Variants in RAB31 observed in about 807,000 individuals in gnomAD.
RAB31 encodes RAB31, member RAS oncogene family.
Under a neutral mutation model 25.6 loss-of-function variants are expected in RAB31, and 21 were observed. The ratio of observed to expected loss-of-function variants is 0.82; its 90% CI spans 0.58 to 1.18. The LOEUF (loss-of-function observed/expected upper bound fraction) is 1.18. RAB31 is among the 50% of genes most tolerant of loss of function. RAB31 has a pLI of 0.00. For synonymous variants in RAB31, 87 were observed against 84.0 expected, an observed-to-expected ratio of 1.04 and a Z score of -0.20; for missense variants, 196 against 250.1, an observed-to-expected ratio of 0.78 and a Z score of 1.46.
At chr18:9,844,872 T>C (rs1437529647) in intron 5 of RAB31, 1 of 85,900 alleles carries the variant, frequency 1.2e-5, no homozygotes, top group Non-Finnish European at 2.5e-5. Flanking sequence ...TGTTTTGTTT[T>C]GTTTTGTTTG....
intron 5 of RAB31, among the ~76,000 whole-genome samples, chr18:9,822,619 A>C (rs996716078): frequency 6.6e-6 from 1 of 152,232 alleles, no homozygotes; most frequent in Non-Finnish European, 1.5e-5. Flanking sequence ...CAAAATTTAC[A>C]TGAAAAAATT....
chr18:9,719,796 G>A (rs562202999), intron 1 of RAB31, among the ~76,000 whole-genome samples: 42 of 152,086 alleles, frequency 2.8e-4, no homozygotes, highest in Admixed American at 1.6e-3. Context: ...CCTTGAAAGA[G>A]GCATCCAAGG....
chr18:9,829,529 T>C (rs562791136), intron 5 of RAB31, among the ~76,000 whole-genome samples: 4 of 152,352 alleles, frequency 2.6e-5, no homozygotes, highest in African/African-American at 9.6e-5. Flanking sequence ...TTCTTGCACA[T>C]GTGTAAGCAT....
intron 2 of RAB31, chr18:9,786,739 T>A (rs1443772399): frequency 6.6e-6 from 1 of 152,154 alleles, no homozygotes; most frequent in Non-Finnish European, 1.5e-5. Context: ...CACATCTGGC[T>A]TCTGGCAACT....
At chr18:9,844,029 G>T (rs935482667) in intron 5 of RAB31, among the ~76,000 whole-genome samples, 14 of 152,196 alleles carry the variant, frequency 9.2e-5, no homozygotes, top group South Asian at 4.1e-4. Context: ...TCCCTGTTTT[G>T]ATTTTGTGTC....
intron 5 of RAB31, among the ~76,000 whole-genome samples, chr18:9,838,034 G>A (rs995802913): frequency 6.6e-6 from 1 of 152,284 alleles, no homozygotes; most frequent in Non-Finnish European, 1.5e-5. Flanking sequence ...TCACTGAGAC[G>A]GCTTTGCAAA....
chr18:9,719,376 A>AGGTGAAAT (rs2068063375), intron 1 of RAB31, among the ~76,000 whole-genome samples: 8 of 128,848 alleles, frequency 6.2e-5, no homozygotes, highest in Non-Finnish European at 1.3e-4. Context: ...ATGATCTAGT[A>AGGTGAAAT]GTGAAATGAT....
intron 1 of RAB31, chr18:9,726,176 C>T (rs543807919): frequency 2.8e-4 from 42 of 152,342 alleles, no homozygotes; most frequent in African/African-American, 1.0e-3. Flanking sequence ...TTCTTTTCTT[C>T]CTTTACTTTC....
chr18:9,755,632 A>G (rs958717972), intron 1 of RAB31, among the ~76,000 whole-genome samples: 1 of 152,234 alleles, frequency 6.6e-6, no homozygotes, highest in African/African-American at 2.4e-5. Context: ...GACACTGTCC[A>G]GGAACCAGAG....
At chr18:9,821,041 T>C (rs758221186) in intron 5 of RAB31, among the ~76,000 whole-genome samples, 2 of 152,222 alleles carry the variant, frequency 1.3e-5, no homozygotes, top group Non-Finnish European at 2.9e-5. Context: ...CTGTAAGCAC[T>C]GCTCTAGCTG....
At chr18:9,806,082 C>A (rs2068539340) in intron 3 of RAB31, among the ~76,000 whole-genome samples, 1 of 151,964 alleles carries the variant, frequency 6.6e-6, no homozygotes, top group African/African-American at 2.4e-5. Flanking sequence ...GAGGCTGAGG[C>A]AGGAGAATGG....
At chr18:9,822,200 G>A (rs1019869821) in intron 5 of RAB31, among the ~76,000 whole-genome samples, 1 of 152,128 alleles carries the variant, frequency 6.6e-6, no homozygotes, top group African/African-American at 2.4e-5. Context: ...TGCAAAGGTA[G>A]TTCAACAGAA....
chr18:9,738,735 G>A lies in RAB31; in HGVS notation c.39+30291G>A, dbSNP rs141311806. On this transcript the variant is annotated intron_variant, in intron 1 of 6. Coordinates refer to ENST00000578921, the MANE Select transcript of RAB31 (RefSeq NM_006868.4). ...CTCTAGCAAATTAATCAAACCTGAG[G>A]AAGTGGTCATGGGAACCCTGATTTG... Among the ~76,000 whole-genome samples, 538 of 152,306 alleles carry A rather than the reference G, an allele frequency of 3.5e-3. 8 individuals carry two copies. The highest frequency in any genetic ancestry group is 0.013 in the African/African-American group (521 of 41,570).
intron 1 of RAB31, among the ~76,000 whole-genome samples, chr18:9,713,144 G>A (rs1260622043): frequency 6.6e-6 from 1 of 152,242 alleles, no homozygotes; most frequent in African/African-American, 2.4e-5. Flanking sequence ...AGCACTGTAT[G>A]ACAGAGTATC....
At chr18:9,778,364 G>T (rs1040016095) in intron 2 of RAB31, among the ~76,000 whole-genome samples, 6 of 152,142 alleles carry the variant, frequency 3.9e-5, no homozygotes, top group African/African-American at 1.4e-4. Flanking sequence ...GCATTTCGGT[G>T]GTTTGGAGTT....
chr18:9,747,837 A>C (rs2068213343), intron 1 of RAB31, among the ~76,000 whole-genome samples: 1 of 152,260 alleles, frequency 6.6e-6, no homozygotes, highest in South Asian at 2.1e-4. Context: ...TCACTTTAAA[A>C]TGGTGAATTT....
At chr18:9,777,845 C>T (rs140088835) in intron 2 of RAB31, among the ~76,000 whole-genome samples, 1,611 of 151,026 alleles carry the variant, frequency 0.011, 33 homozygotes, top group African/African-American at 0.037. Context: ...ACCTCCGCCT[C>T]CCGGGTTCAA....
intron 5 of RAB31, among the ~76,000 whole-genome samples, chr18:9,824,474 T>C (rs1005519120): frequency 6.6e-6 from 1 of 151,140 alleles, no homozygotes; most frequent in Admixed American, 6.6e-5. Context: ...GTGTGTGTGT[T>C]GGTGGAACTG....
Position 9,859,639 on chromosome 18 carries a change from A to C in RAB31, c.*314A>C, listed in dbSNP as rs941721400. On this transcript the variant is annotated 3_prime_UTR_variant, in exon 7 of 7. Coordinates refer to ENST00000578921, the MANE Select transcript of RAB31 (RefSeq NM_006868.4). ...ATTGTTGGATGTGTACAAAAGTCTT[A>C]CTGCCTTATTATGTGTATGGGATTC... 1 of 222,340 alleles carries C rather than the reference A, an allele frequency of 4.5e-6. No homozygotes were observed. Among genetic ancestry groups the C allele is most frequent in the African/African-American group, 2.3e-5 (1 of 43,552 alleles). The allele number at this position is 222,340 out of a possible 1,614,324, so 13.8% of individuals were successfully genotyped here.
Sources: gnomAD v4.1 joint callset for allele counts (sites outside exome capture counted in the v4.1 genomes callset) on GRCh38, gnomAD v4.1.1 for gene constraint, MANE v1.5 for transcripts, NCBI Gene and HGNC (gene_info 2026-07-23, HGNC 2026-07-21) for gene names.